Variants in CDH13 observed in about 807,000 individuals in gnomAD.
The protein encoded by CDH13 is cadherin-13.
Under a neutral mutation model 63.8 loss-of-function variants are expected in CDH13, and 24 were observed. The ratio of observed to expected loss-of-function variants is 0.38; its 90% CI spans 0.27 to 0.53. The LOEUF (loss-of-function observed/expected upper bound fraction) is 0.53. CDH13 is among the 20% of genes least tolerant of loss of function. The pLI is 0.85. For missense variants in CDH13, 1,049 were observed against 903.1 expected (o/e 1.16, Z -2.07); for synonymous variants, 503 against 355.3 (o/e 1.42, Z -4.67).
At chr16:83,414,652 A>C (rs1484274865) in intron 6 of CDH13, among the ~76,000 whole-genome samples, 1 of 152,346 alleles carries the variant, frequency 6.6e-6, no homozygotes, top group East Asian at 1.9e-4. Flanking sequence ...TACTTCATGT[A>C]AGTGGAACCA....
At chr16:82,815,722 C>T (rs572522887) in intron 1 of CDH13, among the ~76,000 whole-genome samples, 4 of 152,234 alleles carry the variant, frequency 2.6e-5, no homozygotes, top group African/African-American at 7.2e-5. Context: ...TGCCCCTAAT[C>T]GTAGACTATC....
chr16:83,291,591 T>C (rs1421908063), intron 5 of CDH13, among the ~76,000 whole-genome samples: 1 of 152,140 alleles, frequency 6.6e-6, no homozygotes, highest in East Asian at 1.9e-4. Context: ...GATAGAATTT[T>C]AGTAGATTTA....
chr16:83,616,666 A>G (rs1202680286), intron 8 of CDH13, among the ~76,000 whole-genome samples: 2 of 152,344 alleles, frequency 1.3e-5, no homozygotes, highest in African/African-American at 4.8e-5. Flanking sequence ...TGCAGTGTGC[A>G]GAATGAGAAC....
intron 6 of CDH13, among the ~76,000 whole-genome samples, chr16:83,351,819 G>C (rs1025696725): frequency 1.3e-5 from 2 of 152,196 alleles, no homozygotes; most frequent in African/African-American, 2.4e-5. Context: ...ATTTTAGTCT[G>C]TATCTTGGCT....
At chr16:83,394,977 G>A (rs11859804) in intron 6 of CDH13, among the ~76,000 whole-genome samples, 41,139 of 151,652 alleles carry the variant, frequency 0.27, 5,934 homozygotes, top group Middle Eastern at 0.35. Context: ...GTGAAATCCC[G>A]TCTCTACTAA....
intron 7 of CDH13, among the ~76,000 whole-genome samples, chr16:83,493,712 G>A (rs2074072532): frequency 6.6e-6 from 1 of 152,202 alleles, no homozygotes; most frequent in African/African-American, 2.4e-5. Flanking sequence ...TCATTCAAAC[G>A]ATTATAGCTA....
intron 6 of CDH13, among the ~76,000 whole-genome samples, chr16:83,450,263 G>T (rs1157551828): frequency 6.6e-6 from 1 of 152,210 alleles, no homozygotes; most frequent in Non-Finnish European, 1.5e-5. Context: ...AGCTGCTTAG[G>T]CTCTGCCCCT....
intron 1 of CDH13, among the ~76,000 whole-genome samples, chr16:82,846,449 G>C (rs934187425): frequency 1.3e-5 from 2 of 152,068 alleles, no homozygotes; most frequent in Admixed American, 6.6e-5. Context: ...TTTGATTTGT[G>C]TTTACTCATT....
chr16:82,719,845 CA>C (rs34017657), intron 1 of CDH13, among the ~76,000 whole-genome samples: 18,487 of 88,064 alleles, frequency 0.21, 753 homozygotes, highest in Middle Eastern at 0.26. Context: ...GACTCTGTCT[CA>C]AAAAAAAAAA....
chr16:83,191,527 A>ATG (rs1447012413), intron 4 of CDH13, among the ~76,000 whole-genome samples: 21 of 76,794 alleles, frequency 2.7e-4, no homozygotes, highest in Non-Finnish European at 4.1e-4. Flanking sequence ...ACACACACAC[A>ATG]CACATATATA....
At chr16:82,998,892 C>T (rs936524038) in intron 2 of CDH13, among the ~76,000 whole-genome samples, 1 of 142,646 alleles carries the variant, frequency 7.0e-6, no homozygotes, top group Non-Finnish European at 1.5e-5. Context: ...AGATACTGCC[C>T]CTTCTCATTT....
At chr16:83,268,284 G>A (rs1422032709) in intron 5 of CDH13, among the ~76,000 whole-genome samples, 7 of 152,224 alleles carry the variant, frequency 4.6e-5, no homozygotes, top group Admixed American at 3.9e-4. Context: ...TTCCATGGAA[G>A]TATGAACAGA....
chr16:83,118,103 G>A (rs889363999), intron 3 of CDH13, among the ~76,000 whole-genome samples: 1 of 152,206 alleles, frequency 6.6e-6, no homozygotes, highest in Non-Finnish European at 1.5e-5. Flanking sequence ...GGCTGCAGCA[G>A]GCCTCGGATG....
intron 1 of CDH13, among the ~76,000 whole-genome samples, chr16:82,830,572 G>C (rs1443098161): frequency 6.6e-6 from 1 of 152,164 alleles, no homozygotes; most frequent in Non-Finnish European, 1.5e-5. Context: ...GAAGATGTAA[G>C]GATGTGCTCT....
intron 5 of CDH13, among the ~76,000 whole-genome samples, chr16:83,254,497 C>G (rs1905970371): frequency 6.6e-6 from 1 of 152,190 alleles, no homozygotes. Context: ...CACGCAGGAT[C>G]AAATGTGTGG....
At chr16:82,939,123 T>C (rs574380163) in intron 2 of CDH13, among the ~76,000 whole-genome samples, 1 of 152,178 alleles carries the variant, frequency 6.6e-6, no homozygotes, top group East Asian at 1.9e-4. Context: ...AAAATGGCAT[T>C]AGAAAGCAGT....
chr16:83,126,479 T>C (rs1198559889), intron 4 of CDH13, among the ~76,000 whole-genome samples: 3 of 152,050 alleles, frequency 2.0e-5, no homozygotes, highest in Non-Finnish European at 4.4e-5. Context: ...GTAGTTTCAT[T>C]GGGAAGAGCT....
intron 5 of CDH13, among the ~76,000 whole-genome samples, chr16:83,291,360 T>A (rs868790658): frequency 6.6e-5 from 10 of 152,068 alleles, no homozygotes; most frequent in Admixed American, 6.6e-4. Context: ...TTTCAGCTTA[T>A]TGTACCCCCG....
intron 5 of CDH13, among the ~76,000 whole-genome samples, chr16:83,334,201 T>G (rs1290411212): frequency 2.6e-5 from 4 of 152,052 alleles, no homozygotes; most frequent in Admixed American, 6.6e-5. Context: ...ATGATTATAT[T>G]GGGCCTAGCC....
Sources: gnomAD v4.1 joint callset for allele counts (sites outside exome capture counted in the v4.1 genomes callset) on GRCh38, gnomAD v4.1.1 for gene constraint, MANE v1.5 for transcripts, NCBI Gene and HGNC (gene_info 2026-07-23, HGNC 2026-07-21) for gene names.